Variants in EEFSEC observed in about 807,000 individuals in gnomAD.
EEFSEC encodes eukaryotic elongation factor, selenocysteine-tRNA specific.
Under a neutral mutation model 42.1 loss-of-function variants are expected in EEFSEC, and 43 were observed. The ratio of observed to expected loss-of-function variants is 1.02; its 90% CI spans 0.80 to 1.32. The LOEUF is 1.32. EEFSEC is among the 40% of genes most tolerant of loss of function. The pLI, the probability that EEFSEC is intolerant of heterozygous loss-of-function variation, is 0.00. For missense variants in EEFSEC, 745 were observed against 803.6 expected (o/e 0.93, Z 0.88); for synonymous variants, 354 against 339.1 (o/e 1.04, Z -0.48).
chr3:128,261,187 G>A (rs1405210123), intron 2 of EEFSEC, among the ~76,000 whole-genome samples: 2 of 152,194 alleles, frequency 1.3e-5, no homozygotes, highest in African/African-American at 4.8e-5. Flanking sequence ...AGACTCAGAT[G>A]GGCTGGGTTC....
intron 6 of EEFSEC, among the ~76,000 whole-genome samples, chr3:128,406,360 G>A (rs1406202372): frequency 1.3e-5 from 2 of 152,306 alleles, no homozygotes; most frequent in South Asian, 2.1e-4. Flanking sequence ...GCCTGGGGGT[G>A]CAGGCTGGGG....
chr3:128,219,359 T>C (rs1237472298), intron 1 of EEFSEC, among the ~76,000 whole-genome samples: 1 of 152,100 alleles, frequency 6.6e-6, no homozygotes, highest in Non-Finnish European at 1.5e-5. Flanking sequence ...CTGTTAACAG[T>C]AAAATACAAT....
At chr3:128,382,439 A>G (rs1226099490) in intron 6 of EEFSEC, among the ~76,000 whole-genome samples, 1 of 152,078 alleles carries the variant, frequency 6.6e-6, no homozygotes, top group East Asian at 1.9e-4. Flanking sequence ...GCCTACGTCT[A>G]TGTGTGTCCA....
At chr3:128,158,060 T>C (rs556729093) in intron 1 of EEFSEC, among the ~76,000 whole-genome samples, 1 of 152,314 alleles carries the variant, frequency 6.6e-6, no homozygotes, top group East Asian at 1.9e-4. Context: ...ATTCCAACCC[T>C]CATGGATGAC....
chr3:128,199,290 G>A (rs543977930), intron 1 of EEFSEC, among the ~76,000 whole-genome samples: 34 of 152,250 alleles, frequency 2.2e-4, no homozygotes, highest in African/African-American at 7.7e-4. Context: ...ACCCCTTTAC[G>A]GTGATGTTAA....
chr3:128,257,907 C>T (rs1030423689), intron 2 of EEFSEC, among the ~76,000 whole-genome samples: 2 of 152,132 alleles, frequency 1.3e-5, no homozygotes, highest in Non-Finnish European at 2.9e-5. Context: ...CAGAGCGTTG[C>T]CTCATGGATG....
At chr3:128,180,520 T>G (rs948583523) in intron 1 of EEFSEC, among the ~76,000 whole-genome samples, 1 of 152,218 alleles carries the variant, frequency 6.6e-6, no homozygotes, top group South Asian at 2.1e-4. Flanking sequence ...ACAATTTCCT[T>G]GACTTTAAAA....
intron 4 of EEFSEC, among the ~76,000 whole-genome samples, chr3:128,283,937 TCTC>T (rs1401959119): frequency 2.0e-5 from 3 of 152,098 alleles, no homozygotes; most frequent in African/African-American, 7.2e-5. Context: ...GATACATACT[TCTC>T]CTTAAAACTT....
chr3:128,270,408 G>A (rs1333412680), intron 4 of EEFSEC, among the ~76,000 whole-genome samples: 1 of 152,142 alleles, frequency 6.6e-6, no homozygotes, highest in Non-Finnish European at 1.5e-5. Context: ...TGATAATGAT[G>A]ACAAACATTA....
intron 1 of EEFSEC, among the ~76,000 whole-genome samples, chr3:128,181,795 T>G (rs2065408522): frequency 6.6e-6 from 1 of 152,148 alleles, no homozygotes. Flanking sequence ...GTTTTTGTTT[T>G]TGTTTTTCTT....
Position 128,348,253 on chromosome 3 carries a change from C to CGT in EEFSEC, c.1443+6380_1443+6381dup, listed in dbSNP as rs761445739. Among the ~76,000 whole-genome samples, 407 of 101,974 alleles carry CGT rather than the reference C, an allele frequency of 4.0e-3. 3 individuals carry two copies. The highest frequency in any genetic ancestry group is 0.022 in the Middle Eastern group (5 of 224). The allele number at this position is 101,974 out of a possible 152,430, so 66.9% of individuals were successfully genotyped here. A position where few individuals can be genotyped will look rare whatever the true frequency, so the allele number is the denominator to read the frequency against. On this transcript the variant is annotated intron_variant, in intron 5 of 6. Coordinates refer to ENST00000254730, the MANE Select transcript of EEFSEC (RefSeq NM_021937.5). The stretch of plus-strand genomic sequence containing the variant: ...TATGGAGAGATACAAAGTGTGCATG[C>CGT]GTGTGTGTGTGTGTGTGCGTGTGCG...
chr3:128,370,493 A>C (rs1266490390), intron 6 of EEFSEC, among the ~76,000 whole-genome samples: 1 of 152,180 alleles, frequency 6.6e-6, no homozygotes, highest in Admixed American at 6.5e-5. Flanking sequence ...GTCTGGCAGC[A>C]GTGAGGCAGA....
chr3:128,285,459 G>A (rs529235121), intron 4 of EEFSEC, among the ~76,000 whole-genome samples: 4 of 152,170 alleles, frequency 2.6e-5, no homozygotes, highest in Non-Finnish European at 5.9e-5. Flanking sequence ...GCAGGGACAG[G>A]CCTGTGAAAG....
At chr3:128,215,665 A>G (rs1328853817) in intron 1 of EEFSEC, among the ~76,000 whole-genome samples, 2 of 152,224 alleles carry the variant, frequency 1.3e-5, no homozygotes, top group Non-Finnish European at 2.9e-5. Context: ...ACTGATTCTT[A>G]AAACCAGGAA....
At chr3:128,243,430 G>A (rs960992731) in intron 1 of EEFSEC, among the ~76,000 whole-genome samples, 2 of 152,246 alleles carry the variant, frequency 1.3e-5, no homozygotes, top group Admixed American at 1.3e-4. Flanking sequence ...TAGTTGACTG[G>A]ATAGTTGTGT....
At chr3:128,216,337 A>G (rs1042341559) in intron 1 of EEFSEC, among the ~76,000 whole-genome samples, 1 of 152,206 alleles carries the variant, frequency 6.6e-6, no homozygotes, top group East Asian at 1.9e-4. Flanking sequence ...CATGTCCACT[A>G]ACCAGTCTGC....
chr3:128,363,921 G>A (rs928977251), intron 6 of EEFSEC, among the ~76,000 whole-genome samples: 1 of 152,074 alleles, frequency 6.6e-6, no homozygotes, highest in Non-Finnish European at 1.5e-5. Context: ...TCAGCAATGC[G>A]GGCAGACACC....
intron 1 of EEFSEC, among the ~76,000 whole-genome samples, chr3:128,193,474 A>G (rs1229948239): frequency 6.6e-6 from 1 of 152,188 alleles, no homozygotes; most frequent in Non-Finnish European, 1.5e-5. Flanking sequence ...GCAAGGGCCC[A>G]TTTTTCTGCA....
At chr3:128,225,366 G>T (rs1337053572) in intron 1 of EEFSEC, among the ~76,000 whole-genome samples, 4 of 152,144 alleles carry the variant, frequency 2.6e-5, no homozygotes, top group African/African-American at 9.7e-5. Flanking sequence ...CAGTGCCAAG[G>T]CCCCCTACAA....
Sources: gnomAD v4.1 joint callset for allele counts (sites outside exome capture counted in the v4.1 genomes callset) on GRCh38, gnomAD v4.1.1 for gene constraint, MANE v1.5 for transcripts, NCBI Gene and HGNC (gene_info 2026-07-23, HGNC 2026-07-21) for gene names.